Variants in NRG2 observed in about 807,000 individuals in gnomAD.
NRG2 encodes pro-neuregulin-2, membrane-bound isoform.
A neutral mutation model predicts 73.9 loss-of-function variants in NRG2; 27 were observed. The observed-to-expected ratio is 0.37, with a 90% CI of 0.27 to 0.50. The LOEUF is 0.50. NRG2 is among the 20% of genes least tolerant of loss of function. The pLI is 0.96. For synonymous variants in NRG2, 532 were observed against 541.0 expected (o/e 0.98, Z 0.23); for missense variants, 1,126 against 1,210.1 (o/e 0.93, Z 1.03).
chr5:139,925,926 G>A lies in NRG2; in HGVS notation c.701-38415C>T, dbSNP rs549952522. 2.6e-5 allele frequency among the ~76,000 whole-genome samples: 4 copies of A among 152,344 alleles called. No homozygotes were observed. The East Asian group carries it at 7.7e-4, about 29-fold the overall frequency. On this transcript the variant is annotated intron_variant, in intron 1 of 9. Transcript: ENST00000361474. Reference sequence around the variant, plus strand: ...AGCAGCTCATCCATGGATGCACTGAGGCAGCTCCTGACAGCTGGCCAGCTC... The same window carrying A: ...AGCAGCTCATCCATGGATGCACTGAAGCAGCTCCTGACAGCTGGCCAGCTC...
intron 1 of NRG2, among the ~76,000 whole-genome samples, chr5:140,015,579 C>T (rs1355857993): frequency 2.6e-5 from 4 of 152,154 alleles, no homozygotes; most frequent in African/African-American, 7.2e-5. Context: ...TGGATCTGTG[C>T]GGTACCAGCA....
intron 1 of NRG2, among the ~76,000 whole-genome samples, chr5:139,899,511 C>CT (rs1205783814): frequency 1.3e-5 from 2 of 152,224 alleles, no homozygotes; most frequent in Non-Finnish European, 2.9e-5. Context: ...TGGTTTCTGG[C>CT]TAGGCCATTT....
chr5:139,955,113 G>T lies in NRG2; in HGVS notation c.701-67602C>A, dbSNP rs555416779. On this transcript the variant is annotated intron_variant, in intron 1 of 9. Transcript: ENST00000361474. ...AATGGAGAATGAGAGGGTTATCCCCGGCCCTTGAAGAGCTTACAGTCTTGA... is the reference window on the plus strand; with the variant it reads ...AATGGAGAATGAGAGGGTTATCCCCTGCCCTTGAAGAGCTTACAGTCTTGA... Among the ~76,000 whole-genome samples the T allele has an allele frequency of 2.6e-5, 4 of 152,136 alleles. No homozygotes were observed. In the East Asian group the frequency reaches 7.7e-4, roughly 29 times the overall value.
chr5:140,011,803 ATGT>A (rs1441340345), intron 1 of NRG2, among the ~76,000 whole-genome samples: 2 of 152,214 alleles, frequency 1.3e-5, no homozygotes, highest in African/African-American at 4.8e-5. Context: ...GAGAAAATAA[ATGT>A]TTGTTGTTTT....
intron 1 of NRG2, among the ~76,000 whole-genome samples, chr5:139,958,432 A>T (rs1754799596): frequency 6.6e-6 from 1 of 152,208 alleles, no homozygotes; most frequent in African/African-American, 2.4e-5. Flanking sequence ...TTTGTTAAGG[A>T]TTAATTACCA....
At chr5:139,914,361 TTC>T (rs1751082201) in intron 1 of NRG2, among the ~76,000 whole-genome samples, 1 of 152,104 alleles carries the variant, frequency 6.6e-6, no homozygotes, top group Non-Finnish European at 1.5e-5. Context: ...CCTCAGGTCT[TTC>T]TCTGTCCCTA....
intron 1 of NRG2, among the ~76,000 whole-genome samples, chr5:139,933,247 C>T (rs895648461): frequency 6.6e-6 from 1 of 151,992 alleles, no homozygotes; most frequent in Non-Finnish European, 1.5e-5. Flanking sequence ...TGCACTCCAG[C>T]CTGGCTGACA....
intron 1 of NRG2, among the ~76,000 whole-genome samples, chr5:139,946,315 T>C (rs1356367606): frequency 1.3e-5 from 2 of 152,094 alleles, no homozygotes; most frequent in African/African-American, 2.4e-5. Context: ...CTCACACTTA[T>C]GGTTAATTGG....
intron 5 of NRG2, among the ~76,000 whole-genome samples, chr5:139,857,500 T>C (rs1761882275): frequency 6.7e-6 from 1 of 149,520 alleles, no homozygotes; most frequent in Admixed American, 6.6e-5. Flanking sequence ...GTCCAGGGGG[T>C]GAACTGTGCT....
chr5:139,852,301 G>T lies in NRG2; in HGVS notation c.1544+131C>A. ...TCTGCAGTTCTGGAGAGGAGGCTAA[G>T]GTGTGCTGTGATTCCTGTGGCAAGC... On this transcript the variant is annotated intron_variant, in intron 8 of 9. Transcript: ENST00000361474. The surrounding 1 kb of genome is among the most constrained non-coding windows in gnomAD (Gnocchi z 4.4). 8.9e-7 allele frequency: 1 copy of T among 1,129,406 alleles called. No homozygotes were observed. Among genetic ancestry groups the T allele is most frequent in the Non-Finnish European group, 1.3e-6 (1 of 798,000 alleles). The allele number at this position is 1,129,406 out of a possible 1,614,324, so 70.0% of individuals were successfully genotyped here.
chr5:140,004,743 C>G (rs1472521880), intron 1 of NRG2, among the ~76,000 whole-genome samples: 4 of 152,062 alleles, frequency 2.6e-5, no homozygotes, highest in African/African-American at 9.7e-5. Context: ...ACGTGGGATC[C>G]TAGGTAGGCT....
chr5:139,993,113 G>GGT (rs1006983083), intron 1 of NRG2, among the ~76,000 whole-genome samples: 21 of 151,684 alleles, frequency 1.4e-4, no homozygotes, highest in Non-Finnish European at 2.8e-4. Flanking sequence ...ATTTGTGTGT[G>GGT]GTGTGTGTGT....
intron 1 of NRG2, among the ~76,000 whole-genome samples, chr5:139,907,616 C>T (rs538346296): frequency 6.6e-6 from 1 of 152,292 alleles, no homozygotes; most frequent in Admixed American, 6.5e-5. Flanking sequence ...CAGAGCAGCT[C>T]ATGACTTGGT....
intron 1 of NRG2, among the ~76,000 whole-genome samples, chr5:139,957,692 G>A (rs1348598111): frequency 2.6e-5 from 4 of 152,232 alleles, no homozygotes; most frequent in Non-Finnish European, 4.4e-5. Flanking sequence ...AGGTGGTGAC[G>A]TGCAGGTATC....
chr5:139,999,599 A>G (rs571843062), intron 1 of NRG2, among the ~76,000 whole-genome samples: 1 of 152,330 alleles, frequency 6.6e-6, no homozygotes, highest in East Asian at 1.9e-4. Flanking sequence ...TCATTGTTCA[A>G]GAAGAATGAT....
chr5:139,939,108 TCAA>T (rs1753162137), intron 1 of NRG2, among the ~76,000 whole-genome samples: 1 of 151,596 alleles, frequency 6.6e-6, no homozygotes, highest in African/African-American at 2.4e-5. Flanking sequence ...AAAAATTAAC[TCAA>T]AATGGATCAC....
chr5:139,924,788 C>T (rs944162260), intron 1 of NRG2, among the ~76,000 whole-genome samples: 13 of 152,336 alleles, frequency 8.5e-5, no homozygotes, highest in African/African-American at 3.1e-4. Context: ...CCTCAGCCGC[C>T]TCCCTTTCCG....
At chr5:140,000,869 G>A (rs1758415694) in intron 1 of NRG2, among the ~76,000 whole-genome samples, 1 of 152,180 alleles carries the variant, frequency 6.6e-6, no homozygotes, top group Non-Finnish European at 1.5e-5. Flanking sequence ...AGATGTGATG[G>A]TTTCAATCCC....
chr5:140,015,545 A>T (rs1759702417), intron 1 of NRG2, among the ~76,000 whole-genome samples: 1 of 152,212 alleles, frequency 6.6e-6, no homozygotes, highest in Non-Finnish European at 1.5e-5. Flanking sequence ...AAAGAAAAAA[A>T]CCTGAAAATG....
Sources: gnomAD v4.1 joint callset for allele counts (sites outside exome capture counted in the v4.1 genomes callset) on GRCh38, gnomAD v4.1.1 for gene constraint, Gnocchi (gnomAD v3.1) non-coding constraint, MANE v1.5 for transcripts, NCBI Gene and HGNC (gene_info 2026-07-23, HGNC 2026-07-21) for gene names.